VPS13D: variants seen among roughly 807,000 people sequenced by gnomAD.
VPS13D encodes vacuolar protein sorting 13 homolog D, also known as intermembrane lipid transfer protein VPS13D.
VPS13D carries 187 observed loss-of-function variants against 461.9 expected under a neutral mutation model. The ratio of observed to expected loss-of-function variants is 0.40; its 90% CI spans 0.36 to 0.46. The LOEUF is 0.46. VPS13D is among the 20% of genes least tolerant of loss of function. The pLI, the probability that VPS13D is intolerant of heterozygous loss-of-function variation, is 0.60. For synonymous variants in VPS13D, 1,951 were observed against 1,986.3 expected (o/e 0.98, Z 0.47); for missense variants, 4,711 against 5,364.9 (o/e 0.88, Z 3.81).
At chr1:12,332,868 C>T (rs1466105408) in intron 37 of VPS13D, among the ~76,000 whole-genome samples, 1 of 152,156 alleles carries the variant, frequency 6.6e-6, no homozygotes, top group African/African-American at 2.4e-5. Flanking sequence ...CTATTTAAGA[C>T]ACTTTATTAT....
intron 39 of VPS13D, 46 bp downstream of exon 39, chr1:12,335,873 A>G: frequency 6.2e-7 from 1 of 1,611,574 alleles, no homozygotes; most frequent in Non-Finnish European, 8.5e-7. Flanking sequence ...CTTTTGACCT[A>G]CAAAGCAATG....
chr1:12,281,681 G>T (rs1205439504), intron 20 of VPS13D, among the ~76,000 whole-genome samples: 2 of 151,962 alleles, frequency 1.3e-5, no homozygotes, highest in Non-Finnish European at 2.9e-5. Flanking sequence ...GTATTTAGGT[G>T]GCAAGAGCCT....
chr1:12,235,874 T>C (rs1174254756), intron 2 of VPS13D, among the ~76,000 whole-genome samples: 7 of 152,194 alleles, frequency 4.6e-5, no homozygotes, highest in Non-Finnish European at 7.3e-5. Context: ...GTATGACGTA[T>C]AGATAACAGG....
intron 18 of VPS13D, 98 bp from the exon 19 acceptor site, chr1:12,275,727 G>A: frequency 4.8e-6 from 6 of 1,238,470 alleles, no homozygotes; most frequent in Non-Finnish European, 6.5e-6. Context: ...TAAACAAACT[G>A]GGGTTGGTTG....
rs373650370 is a variant in VPS13D, at chr1:12,288,327, G to A, written c.5725+14G>A. The A allele has an allele frequency of 1.8e-5, 29 of 1,612,428 alleles. No individual in the cohort carries two copies. The highest frequency in any genetic ancestry group is 2.7e-5 in the African/African-American group (2 of 74,876). On this transcript the variant is annotated intron_variant, in intron 22 of 69. Coordinates refer to ENST00000620676, the MANE Select transcript of VPS13D (RefSeq NM_015378.4). ...TGGAAATGATTGGTAAGTGGTGGGGGGTGGAGGGAAGCAAACTTGCAAAAT... is the reference window on the plus strand; with the variant it reads ...TGGAAATGATTGGTAAGTGGTGGGGAGTGGAGGGAAGCAAACTTGCAAAAT...
intron 46 of VPS13D, among the ~76,000 whole-genome samples, chr1:12,351,524 A>G (rs1643793358): frequency 6.6e-6 from 1 of 152,090 alleles, no homozygotes; most frequent in South Asian, 2.1e-4. Flanking sequence ...TCCTGACCTC[A>G]GGCAATCCAC....
chr1:12,248,664 A>C (rs968718742), intron 5 of VPS13D, among the ~76,000 whole-genome samples: 2 of 152,206 alleles, frequency 1.3e-5, no homozygotes, highest in Non-Finnish European at 2.9e-5. Flanking sequence ...TTTTTAATTC[A>C]TTGAAGCAGA....
At position 12,357,873 on chromosome 1, in the gene VPS13D, G is replaced by A. The variant is rs185340197; in HGVS notation, c.9999-586G>A. Among the ~76,000 whole-genome samples the A allele has an allele frequency of 4.6e-5, 7 of 152,102 alleles. No individual in the cohort carries two copies. The East Asian group carries it at 9.7e-4, about 21-fold the overall frequency. ...GCAAAAATTAGCCGGGTGTGGTGGC[G>A]CTCGCCTGTAGTCCCAGCTACTTGG... On this transcript the variant is annotated intron_variant, in intron 49 of 69. Transcript: ENST00000620676.
chr1:12,381,912 CTTTCT>C (rs200150692), intron 57 of VPS13D, among the ~76,000 whole-genome samples: 32 of 112,026 alleles, frequency 2.9e-4, no homozygotes, highest in Middle Eastern at 4.6e-3. Context: ...TTTTCTTTTT[CTTTCT>C]TTTCTTTTCT....
At chr1:12,444,191 G>C (rs561656375) in intron 65 of VPS13D, among the ~76,000 whole-genome samples, 6 of 152,158 alleles carry the variant, frequency 3.9e-5, no homozygotes, top group African/African-American at 1.4e-4. Context: ...TTTTTACTAT[G>C]TTTATTCTTT....
intron 19 of VPS13D, 63 bp downstream of exon 19, chr1:12,278,101 C>A (rs1641670165): frequency 6.7e-7 from 1 of 1,493,808 alleles, no homozygotes; most frequent in African/African-American, 1.4e-5. Flanking sequence ...TCACGGAGTC[C>A]TTTGCGTAAA....
intron 34 of VPS13D, among the ~76,000 whole-genome samples, chr1:12,323,258 T>C (rs934527154): frequency 6.6e-6 from 1 of 152,008 alleles, no homozygotes; most frequent in Non-Finnish European, 1.5e-5. Context: ...CTTTTTTTTT[T>C]AGAGACGGGG....
At chr1:12,503,701 G>A (rs1646064834) in intron 68 of VPS13D, among the ~76,000 whole-genome samples, 1 of 152,200 alleles carries the variant, frequency 6.6e-6, no homozygotes, top group Admixed American at 6.5e-5. Context: ...TAGCAGATCA[G>A]AGAACAGAAG....
At chr1:12,416,957 T>TG in intron 65 of VPS13D, 130 bp downstream of exon 65, 1 of 1,027,974 alleles carries the variant, frequency 9.7e-7, no homozygotes, top group Non-Finnish European at 1.3e-6. Context: ...CCACATGCCT[T>TG]GCCTTTTCCT....
chr1:12,282,168 G>A (rs568127025), intron 20 of VPS13D, among the ~76,000 whole-genome samples: 10 of 152,326 alleles, frequency 6.6e-5, no homozygotes, highest in African/African-American at 2.4e-4. Flanking sequence ...GATTACAGAC[G>A]TGAGCCACTG....
Position 12,311,825 on chromosome 1 carries a change from G to A in VPS13D, c.6835G>A (p.Gly2279Arg). The change falls in exon 29 of 70, where the codon GGA becomes AGA. Residue 2279 changes from glycine (G) to arginine (R), a missense_variant. Gly to Arg is a moderately radical substitution (Grantham distance 125). Transcript: ENST00000620676. ...TTTCCTTTTGTAGACTGTCCTGAGT[G>A]GAGAAGTGTACACCTGTATGTGCTT... ...QDPRIHTVLSGEVYTCMCFLI... is the reference protein window; with the variant it reads ...QDPRIHTVLSREVYTCMCFLI... 2.5e-6 allele frequency: 4 copies of A among 1,614,040 alleles called. No homozygotes were observed. The South Asian group carries it at 4.4e-5, about 18-fold the overall frequency.
intron 5 of VPS13D, 116 bp downstream of exon 5, chr1:12,244,733 T>A: frequency 1.1e-6 from 1 of 934,716 alleles, no homozygotes; most frequent in Non-Finnish European, 1.6e-6. Context: ...AGGGTGTAGA[T>A]GGGGCTGGCT....
intron 68 of VPS13D, among the ~76,000 whole-genome samples, chr1:12,501,129 T>C (rs1053287932): frequency 9.2e-5 from 14 of 152,086 alleles, no homozygotes; most frequent in Admixed American, 1.3e-4. Context: ...AAGTCTCTTT[T>C]CTTATCTACT....
At chr1:12,489,352 GA>G (rs1467805938) in intron 67 of VPS13D, among the ~76,000 whole-genome samples, 5 of 152,196 alleles carry the variant, frequency 3.3e-5, no homozygotes, top group Admixed American at 1.3e-4. Flanking sequence ...ACTGATGGGA[GA>G]AAACCCAGCC....
Sources: allele counts gnomAD v4.1 joint callset (sites outside exome capture counted in the v4.1 genomes callset), GRCh38; gene constraint gnomAD v4.1.1; transcripts MANE v1.5; gene names NCBI Gene and HGNC (gene_info 2026-07-23, HGNC 2026-07-21).